Variants in FAF1 observed in about 807,000 individuals in gnomAD.
The protein encoded by FAF1 is Fas associated factor 1.
In FAF1, 25 loss-of-function variants were observed where a neutral mutation model predicts 92.5. The ratio of observed to expected loss-of-function variants is 0.27; its 90% CI spans 0.20 to 0.38. The LOEUF (loss-of-function observed/expected upper bound fraction) is 0.38, where lower values mean the gene tolerates loss of function less well. Ranked by LOEUF, FAF1 falls within the 10% of genes least tolerant of loss-of-function variation. The pLI is 1.00. For synonymous variants in FAF1, 234 were observed against 273.2 expected (o/e 0.86, Z 1.42); for missense variants, 636 against 793.3 (o/e 0.80, Z 2.38).
intron 13 of FAF1, among the ~76,000 whole-genome samples, chr1:50,555,896 TG>T (rs1458091681): frequency 2.0e-5 from 3 of 151,894 alleles, no homozygotes; most frequent in African/African-American, 7.3e-5. Flanking sequence ...AAAGAAAATG[TG>T]GTACGTATAC....
chr1:50,874,291 T>G (rs1202034410), intron 1 of FAF1, among the ~76,000 whole-genome samples: 1 of 152,186 alleles, frequency 6.6e-6, no homozygotes, highest in Non-Finnish European at 1.5e-5. Flanking sequence ...TTCTTAAACA[T>G]AAAAATAAAA....
At chr1:50,790,974 T>C (rs756611583) in intron 3 of FAF1, among the ~76,000 whole-genome samples, 57 of 152,244 alleles carry the variant, frequency 3.7e-4, no homozygotes, top group Admixed American at 1.7e-3. Context: ...TTCTGTTACA[T>C]AGATGTATAT....
intron 17 of FAF1, 148 bp downstream of exon 17, chr1:50,490,440 G>GAA (rs1557966670): frequency 6.6e-5 from 32 of 487,746 alleles, no homozygotes; most frequent in African/African-American, 6.4e-4. Flanking sequence ...AGGAAGGAAG[G>GAA]AAGGAAGGAA....
chr1:50,735,809 T>C (rs1659114626), intron 6 of FAF1, among the ~76,000 whole-genome samples: 1 of 152,156 alleles, frequency 6.6e-6, no homozygotes, highest in Admixed American at 6.5e-5. Flanking sequence ...CTCAAACTCT[T>C]GGGCTCGAGC....
chr1:50,704,710 A>G (rs1325539997), intron 7 of FAF1, among the ~76,000 whole-genome samples: 1 of 152,184 alleles, frequency 6.6e-6, no homozygotes, highest in Non-Finnish European at 1.5e-5. Flanking sequence ...CCTACAATTC[A>G]GTTTAGGAAT....
At chr1:50,546,264 G>A (rs2149043841) in intron 13 of FAF1, among the ~76,000 whole-genome samples, 1 of 152,290 alleles carries the variant, frequency 6.6e-6, no homozygotes, top group South Asian at 2.1e-4. Flanking sequence ...AACTGATATG[G>A]AATATCTTTA....
intron 2 of FAF1, among the ~76,000 whole-genome samples, chr1:50,832,361 G>A (rs776934571): frequency 4.6e-5 from 7 of 152,130 alleles, no homozygotes; most frequent in African/African-American, 7.2e-5. Context: ...GAATCCAGCA[G>A]TAGCAACAGG....
At chr1:50,853,484 C>T (rs919824473) in intron 2 of FAF1, among the ~76,000 whole-genome samples, 2 of 151,990 alleles carry the variant, frequency 1.3e-5, no homozygotes, top group African/African-American at 4.8e-5. Flanking sequence ...TAGTTAAAGA[C>T]AAATATAAGC....
At chr1:50,625,662 C>T (rs1025358306) in intron 8 of FAF1, among the ~76,000 whole-genome samples, 23 of 152,032 alleles carry the variant, frequency 1.5e-4, no homozygotes, top group African/African-American at 5.3e-4. Flanking sequence ...AAAAAGGTAA[C>T]ACATCTAAGA....
At chr1:50,702,580 T>G (rs957864463) in intron 7 of FAF1, among the ~76,000 whole-genome samples, 4 of 152,116 alleles carry the variant, frequency 2.6e-5, no homozygotes, top group African/African-American at 4.8e-5. Context: ...ATACTGTCAC[T>G]GCTTTCTCCC....
Position 50,815,175 on chromosome 1 carries a change from T to C in FAF1, c.115-13498A>G, listed in dbSNP as rs544183470. Among the ~76,000 whole-genome samples the C allele has an allele frequency of 3.9e-5, 6 of 152,328 alleles. No individual in the cohort carries two copies. The East Asian group carries it at 1.2e-3, about 29-fold the overall frequency. ...ATGATGCTGAGGTTTGGTGTATGAC[T>C]GATCCCAGGTCGTGAGCAGAGTACC... is the stretch of plus-strand genomic sequence containing the variant. On this transcript the variant is annotated intron_variant, in intron 2 of 18. Transcript: ENST00000396153.
At chr1:50,935,253 G>C (rs964752048) in intron 1 of FAF1, among the ~76,000 whole-genome samples, 2 of 152,120 alleles carry the variant, frequency 1.3e-5, no homozygotes, top group African/African-American at 2.4e-5. Flanking sequence ...AATTAATAAA[G>C]ATGTTGGCCT....
chr1:50,706,991 CAGG>C (rs1657699840), intron 6 of FAF1, among the ~76,000 whole-genome samples: 1 of 152,126 alleles, frequency 6.6e-6, no homozygotes, highest in Admixed American at 6.5e-5. Context: ...ATCACGAGGT[CAGG>C]AGATCAAGAC....
Position 50,554,384 on chromosome 1 carries a change from TATATATAGAG to T in FAF1, c.1268+12683_1268+12692del, listed in dbSNP as rs1174007094. ...AGGTAAATATATATATATATATATATATATATAGAGAGAGAGAGAGAGAGAGAGAGAGTCT... is the reference window on the plus strand; with the variant it reads ...AGGTAAATATATATATATATATATATAGAGAGAGAGAGAGAGAGAGAGTCT... On this transcript the variant is annotated intron_variant, in intron 13 of 18. Coordinates refer to ENST00000396153, the MANE Select transcript of FAF1 (RefSeq NM_007051.3). 4.2e-4 allele frequency among the ~76,000 whole-genome samples: 41 copies of T among 97,952 alleles called. 1 individual carries two copies. Among genetic ancestry groups the T allele is most frequent in the Admixed American group, 7.2e-4 (7 of 9,788 alleles). The allele number at this position is 97,952 out of a possible 152,430, so 64.3% of individuals were successfully genotyped here. A position where few individuals can be genotyped will look rare whatever the true frequency, so the allele number is the denominator to read the frequency against.
intron 6 of FAF1, among the ~76,000 whole-genome samples, chr1:50,712,032 A>T (rs1163142421): frequency 6.6e-6 from 1 of 152,238 alleles, no homozygotes; most frequent in African/African-American, 2.4e-5. Flanking sequence ...CTTAATTACT[A>T]TCATACAAAA....
chr1:50,953,292 G>A (rs1165654535), intron 1 of FAF1, among the ~76,000 whole-genome samples: 1 of 151,874 alleles, frequency 6.6e-6, no homozygotes, highest in African/African-American at 2.4e-5. Context: ...GAAAACCAGA[G>A]ACCCTTGTTC....
rs571049491 is a variant in FAF1, at chr1:50,460,743, C to T, written c.1869+14721G>A. Among the ~76,000 whole-genome samples the T allele has an allele frequency of 2.0e-5, 3 of 151,436 alleles. No individual in the cohort carries two copies. In the South Asian group the frequency reaches 6.3e-4, roughly 32 times the overall value. ...CAACCTCCCAGACTGAAGTGATCCTCCCACCTCACTCTCAAGTATCTGGAA... is the reference window on the plus strand; with the variant it reads ...CAACCTCCCAGACTGAAGTGATCCTTCCACCTCACTCTCAAGTATCTGGAA... On this transcript the variant is annotated intron_variant, in intron 18 of 18. Coordinates refer to ENST00000396153, the MANE Select transcript of FAF1 (RefSeq NM_007051.3).
intron 6 of FAF1, among the ~76,000 whole-genome samples, chr1:50,725,347 T>G (rs1658601995): frequency 6.6e-6 from 1 of 152,186 alleles, no homozygotes; most frequent in Non-Finnish European, 1.5e-5. Context: ...CCTCAATTTC[T>G]TCCACAGCAC....
intron 7 of FAF1, among the ~76,000 whole-genome samples, chr1:50,704,284 G>A (rs976418600): frequency 6.6e-6 from 1 of 152,114 alleles, no homozygotes; most frequent in African/African-American, 2.4e-5. Flanking sequence ...AGGGGTGGGG[G>A]TTGAGAGGGT....
Sources: allele counts gnomAD v4.1 joint callset (sites outside exome capture counted in the v4.1 genomes callset), GRCh38; gene constraint gnomAD v4.1.1; transcripts MANE v1.5; gene names NCBI Gene and HGNC (gene_info 2026-07-23, HGNC 2026-07-21).